MYO16: variants seen among roughly 807,000 people sequenced by gnomAD.
MYO16 encodes the protein myosin XVI.
Under a neutral mutation model 205.3 loss-of-function variants are expected in MYO16, and 94 were observed. The ratio of observed to expected loss-of-function variants is 0.46; its 90% CI spans 0.39 to 0.54. The LOEUF is 0.54. Ranked by LOEUF, MYO16 falls within the 20% of genes least tolerant of loss-of-function variation. MYO16 has a pLI of 0.00. For missense variants in MYO16, 2,315 were observed against 2,387.5 expected (o/e 0.97, Z 0.63); for synonymous variants, 988 against 954.0 (o/e 1.04, Z -0.66).
chr13:108,505,800 T>G, the MYO16 span, among the ~76,000 whole-genome samples: 1 of 151,958 alleles, frequency 6.6e-6, no homozygotes, highest in Non-Finnish European at 1.5e-5. Flanking sequence ...TGGTTTCAGA[T>G]CCTACATTTT....
the MYO16 span, among the ~76,000 whole-genome samples, chr13:108,543,957 C>T: frequency 6.8e-6 from 1 of 147,036 alleles, no homozygotes; most frequent in African/African-American, 2.5e-5. Context: ...CCCAGCTATA[C>T]GGGAGGCTGA....
At chr13:108,888,501 A>G in intron 14 of MYO16, 24 bp downstream of exon 14, 2 of 1,523,134 alleles carry the variant, frequency 1.3e-6, no homozygotes, top group Non-Finnish European at 1.8e-6. Context: ...TTGGGTTGGC[A>G]AATATGTGAA....
At chr13:108,509,658 T>C in the MYO16 span, among the ~76,000 whole-genome samples, 337 of 152,288 alleles carry the variant, frequency 2.2e-3, 2 homozygotes, top group African/African-American at 7.3e-3. Flanking sequence ...TGGTCACTTT[T>C]CAAGTTTAAG....
chr13:108,977,688 C>A (rs570364907), intron 20 of MYO16, among the ~76,000 whole-genome samples: 76 of 152,216 alleles, frequency 5.0e-4, no homozygotes, highest in South Asian at 1.0e-3. Flanking sequence ...ATGATCCCTT[C>A]CCTGTTTGTT....
At chr13:109,081,118 C>T (rs1269460082) in intron 27 of MYO16, among the ~76,000 whole-genome samples, 1 of 152,094 alleles carries the variant, frequency 6.6e-6, no homozygotes, top group African/African-American at 2.4e-5. Flanking sequence ...GAGTCTTATA[C>T]ATTCTGTCCT....
chr13:108,847,306 G>C (rs999704526), intron 10 of MYO16, among the ~76,000 whole-genome samples: 15 of 152,142 alleles, frequency 9.9e-5, no homozygotes, highest in Non-Finnish European at 4.4e-5. Context: ...TATTAGAGAG[G>C]AAGTGGCAGC....
intron 20 of MYO16, among the ~76,000 whole-genome samples, chr13:108,985,612 C>T (rs1346708386): frequency 6.6e-6 from 1 of 152,154 alleles, no homozygotes; most frequent in Non-Finnish European, 1.5e-5. Context: ...TTCAGTTCTT[C>T]CTGAAGTTCT....
chr13:108,829,717 C>A (rs1876492888), intron 9 of MYO16, among the ~76,000 whole-genome samples: 1 of 152,018 alleles, frequency 6.6e-6, no homozygotes, highest in South Asian at 2.1e-4. Context: ...TGGCCTCAGC[C>A]AAGTGACTCT....
At chr13:108,825,809 G>A (rs1245163220) in intron 9 of MYO16, among the ~76,000 whole-genome samples, 1 of 149,774 alleles carries the variant, frequency 6.7e-6, no homozygotes, top group Non-Finnish European at 1.5e-5. Context: ...TCAAAAATGA[G>A]ATTGAAAACA....
In MYO16 at chr13:108,844,419, G is replaced by C. The variant is rs760195677; in HGVS notation, c.1174G>C (p.Gly392Arg). ...KDIMFKDATKGLCKQQSQDSI... is the reference protein window; with the variant it reads ...KDIMFKDATKRLCKQQSQDSI... ...CATTATGTTCAAAGATGCAACAAAAGGTCTGTGTAAGCAGCAGTCTCAGGA... is the reference window on the plus strand; with the variant it reads ...CATTATGTTCAAAGATGCAACAAAACGTCTGTGTAAGCAGCAGTCTCAGGA... The change falls in exon 10 of 35, where the codon GGT becomes CGT. Residue 392 changes from glycine (G) to arginine (R), a missense_variant. Coordinates refer to ENST00000457511, the MANE Select transcript of MYO16 (RefSeq NM_001198950.3). 6.2e-7 allele frequency: 1 copy of C among 1,613,188 alleles called. No homozygotes were observed. Among genetic ancestry groups the C allele is most frequent in the Admixed American group, 1.7e-5 (1 of 59,950 alleles).
At chr13:108,630,153 A>C (rs1201771117) in intron 1 of MYO16, among the ~76,000 whole-genome samples, 1 of 151,872 alleles carries the variant, frequency 6.6e-6, no homozygotes, top group Admixed American at 6.6e-5. Flanking sequence ...AAAAAAAAAA[A>C]AACACCAGAA....
chr13:108,750,824 C>G (rs1885213144), intron 4 of MYO16, among the ~76,000 whole-genome samples: 1 of 151,642 alleles, frequency 6.6e-6, no homozygotes, highest in East Asian at 1.9e-4. Context: ...AAAAAAAATT[C>G]TGATACTGCC....
rs150709294 is a variant in MYO16 at position 109,078,470 on chromosome 13, G to T, written c.3336-22315G>T. On this transcript the variant is annotated intron_variant, in intron 27 of 34. Coordinates refer to ENST00000457511, the MANE Select transcript of MYO16 (RefSeq NM_001198950.3). ...ATTCTGCATGTCTTTAACATATTTA[G>T]TTTTTCTTCTAGTATCTATTAGTAT... 4.6e-3 allele frequency among the ~76,000 whole-genome samples: 696 copies of T among 152,130 alleles called. 6 individuals carry two copies. Among genetic ancestry groups the T allele is most frequent in the African/African-American group, 0.016 (663 of 41,506 alleles).
rs1594218872 is a variant in MYO16, at chr13:108,699,221, T to G, written c.293-13440T>G. On this transcript the variant is annotated intron_variant, in intron 2 of 34. Transcript: ENST00000457511. ...GTTATTACATATATACACATATATG[T>G]ATTTATGTATATATAGTTATTACGT... Among the ~76,000 whole-genome samples, 3 of 151,742 alleles carry G rather than the reference T, an allele frequency of 2.0e-5. No individual in the cohort carries two copies. The Admixed American group carries it at 2.0e-4, about 10-fold the overall frequency.
At chr13:108,516,212 A>G in the MYO16 span, among the ~76,000 whole-genome samples, 2 of 151,938 alleles carry the variant, frequency 1.3e-5, no homozygotes, top group Non-Finnish European at 2.9e-5. Flanking sequence ...GAAAAGCGCA[A>G]TATTCGGGTG....
At chr13:109,120,242 A>C (rs1228137221) in intron 28 of MYO16, 128 bp from the exon 29 acceptor site, 1 of 631,758 alleles carries the variant, frequency 1.6e-6, no homozygotes, top group Non-Finnish European at 2.8e-6. Context: ...AATCAGAGAC[A>C]TGTACTCTAA....
the MYO16 span, among the ~76,000 whole-genome samples, chr13:108,559,421 G>A: frequency 2.7e-5 from 4 of 147,066 alleles, no homozygotes; most frequent in South Asian, 2.2e-4. Context: ...ACATTTCTGC[G>A]TTTTAAGCGA....
chr13:108,891,425 T>A (rs1880167903), intron 14 of MYO16, among the ~76,000 whole-genome samples: 1 of 152,232 alleles, frequency 6.6e-6, no homozygotes, highest in African/African-American at 2.4e-5. Context: ...ACTAAATGCA[T>A]ATATGGAAAA....
intron 1 of MYO16, among the ~76,000 whole-genome samples, chr13:108,643,108 A>G (rs903364683): frequency 1.3e-5 from 2 of 152,250 alleles, no homozygotes; most frequent in African/African-American, 4.8e-5. Context: ...ATGAACATAT[A>G]GAATATTTTT....
Sources: gnomAD v4.1 joint callset for allele counts (sites outside exome capture counted in the v4.1 genomes callset) on GRCh38, gnomAD v4.1.1 for gene constraint, MANE v1.5 for transcripts, NCBI Gene and HGNC (gene_info 2026-07-23, HGNC 2026-07-21) for gene names.